The following FAM43A variants were observed in gnomAD, a reference collection of about 807,000 sequenced individuals.
FAM43A encodes protein FAM43A.
In FAM43A, 11 loss-of-function variants were observed where a neutral mutation model predicts 15.7. The observed-to-expected ratio is 0.70, with a 90% CI of 0.44 to 1.16. FAM43A has a LOEUF of 1.16. Ranked by LOEUF, FAM43A falls within the 50% of genes most tolerant of loss-of-function variation. The probability of loss-of-function intolerance (pLI) is 0.00; values close to 1 mark genes in which losing one functional copy is unlikely to be tolerated. For missense variants in FAM43A, 573 were observed against 620.0 expected (o/e 0.92, Z 0.80); for synonymous variants, 319 against 291.7 (o/e 1.09, Z -0.96).
Position 194,686,499 on chromosome 3 carries a change from T to G in FAM43A, c.-328T>G. 21 of 236,944 alleles carry G rather than the reference T, an allele frequency of 8.9e-5. No individual in the cohort carries two copies. The highest frequency in any genetic ancestry group is 1.4e-4 in the Non-Finnish European group (17 of 123,596). The allele number at this position is 236,944 out of a possible 1,614,324, so 14.7% of individuals were successfully genotyped here. A position where few individuals can be genotyped will look rare whatever the true frequency, so the allele number is the denominator to read the frequency against. On this transcript the variant is annotated 5_prime_UTR_variant, in exon 1 of 1. Transcript: ENST00000329759. ...CTACGCTCGTTCTTTCTCCCTTGCA[T>G]TTTGTTGCTTGCCTGAGACTCTTTG...
Position 194,687,847 on chromosome 3 carries a change from C to T in FAM43A, c.1021C>T (p.Leu341=). 2 of 1,454,094 alleles carry T rather than the reference C, an allele frequency of 1.4e-6. No individual in the cohort carries two copies. The highest frequency in any genetic ancestry group is 1.8e-6 in the Non-Finnish European group (2 of 1,101,710). The allele number at this position is 1,454,094 out of a possible 1,614,324, so 90.1% of individuals were successfully genotyped here. ...SLGPGAGPPP[L]LLGSASDMKA... is the part of the protein sequence containing the mutation. ...GGGCCCGGGGGCCGGGCCGCCGCCT[C>T]TGCTGCTGGGCAGCGCCTCCGACAT... The change falls in exon 1 of 1, where the codon CTG becomes TTG. Residue 341 remains leucine (L), a synonymous_variant. Transcript: ENST00000329759.
Position 194,688,506 on chromosome 3 carries a change from T to A in FAM43A, c.*408T>A. 1 of 179,614 alleles carries A rather than the reference T, an allele frequency of 5.6e-6. No homozygotes were observed. Among genetic ancestry groups the A allele is most frequent in the Non-Finnish European group, 1.3e-5 (1 of 78,292 alleles). 11.1% of individuals were successfully genotyped at this position (179,614 alleles called of 1,614,324 possible). A position where few individuals can be genotyped will look rare whatever the true frequency, so the allele number is the denominator to read the frequency against. ...TCCTCCCACCCCCTGGGAGCGGCCC[T>A]GCGCTGTCACTGACATCTCATTAAA... On this transcript the variant is annotated 3_prime_UTR_variant, in exon 1 of 1. Coordinates refer to ENST00000329759, the MANE Select transcript of FAM43A (RefSeq NM_153690.5).
rs1390526191 is a variant in FAM43A, at chr3:194,686,096, G to A, written c.-731G>A. Among the ~76,000 whole-genome samples, 1 of 152,226 alleles carries A rather than the reference G, an allele frequency of 6.6e-6. No homozygotes were observed. The highest frequency in any genetic ancestry group is 1.9e-4 in the East Asian group (1 of 5,194). On this transcript the variant is annotated 5_prime_UTR_variant, in exon 1 of 1. Transcript: ENST00000329759. Reference sequence around the variant, plus strand: ...GGCCAGGCCAGCCCGGACACTGAGCGGGCCGAGCGCGAGTCCCCGGCGTCC... The same window carrying A: ...GGCCAGGCCAGCCCGGACACTGAGCAGGCCGAGCGCGAGTCCCCGGCGTCC...
At position 194,688,017 on chromosome 3, in the gene FAM43A, C is replaced by T; in HGVS notation, c.1191C>T (p.Gly397=). The change falls in exon 1 of 1, where the codon GGC becomes GGT. Residue 397 remains glycine, a synonymous_variant. Transcript: ENST00000329759. ...GCGAGAGCTCCATCGAGGGCGGGGG[C>T]CCTGACGCCACCTCCGCCACCGCCG... ...TGSESSIEGG[G]PDATSATAGD... 7.0e-7 allele frequency: 1 copy of T among 1,425,280 alleles called. No homozygotes were observed. The highest frequency in any genetic ancestry group is 9.2e-7 in the Non-Finnish European group (1 of 1,090,800). 88.3% of individuals were successfully genotyped at this position (1,425,280 alleles called of 1,614,324 possible).
rs753788243 is a variant in FAM43A, at chr3:194,687,123, G to C, written c.297G>C (p.Lys99Asn). The C allele has an allele frequency of 6.2e-7, 1 of 1,613,348 alleles. No homozygotes were observed. Among genetic ancestry groups the C allele is most frequent in the Non-Finnish European group, 8.5e-7 (1 of 1,179,922 alleles). ...TDLAVGKIWSKSEAGRQGTKM... is the reference protein window; with the variant it reads ...TDLAVGKIWSNSEAGRQGTKM... ...TTGCTGTGGGCAAGATCTGGAGCAAGAGCGAGGCGGGCCGTCAGGGCACCA... is the reference window on the plus strand; with the variant it reads ...TTGCTGTGGGCAAGATCTGGAGCAACAGCGAGGCGGGCCGTCAGGGCACCA... Residue 99 changes from lysine (K) to asparagine (N), a missense_variant, in exon 1 of 1, where the codon AAG becomes AAC. Lys to Asn is a moderately conservative substitution (Grantham distance 94). Coordinates refer to ENST00000329759, the MANE Select transcript of FAM43A (RefSeq NM_153690.5).
Position 194,687,773 on chromosome 3 carries a change from C to T in FAM43A, c.947C>T (p.Thr316Ile). Residue 316 changes from threonine (T) to isoleucine (I), a missense_variant, in exon 1 of 1, where the codon ACT (threonine) becomes ATT (isoleucine). Transcript: ENST00000329759. ...MHFECGDLLD[T>I]LENGRGEALG... ...TTTGAGTGCGGGGACTTGTTGGATA[C>T]TCTGGAGAATGGCCGTGGGGAGGCG... 6.6e-7 allele frequency: 1 copy of T among 1,505,142 alleles called. No individual in the cohort carries two copies. The highest frequency in any genetic ancestry group is 8.9e-7 in the Non-Finnish European group (1 of 1,120,632). 93.2% of individuals were successfully genotyped at this position (1,505,142 alleles called of 1,614,324 possible).
rs898956488 is a variant in FAM43A, at chr3:194,685,983, A to C, written c.-844A>C. 6.6e-6 allele frequency among the ~76,000 whole-genome samples: 1 copy of C among 152,190 alleles called. No individual in the cohort carries two copies. The highest frequency in any genetic ancestry group is 1.5e-5 in the Non-Finnish European group (1 of 68,024). On this transcript the variant is annotated 5_prime_UTR_variant, in exon 1 of 1. Transcript: ENST00000329759. The stretch of plus-strand genomic sequence containing the variant: ...GTGGAGAGCCCGGGAGCGGAGCTGG[A>C]CACCGCCTCGGAGGGAAGAAATGAG...
chr3:194,686,888 C>T lies in FAM43A; in HGVS notation c.62C>T (p.Ser21Phe). Residue 21 changes from serine to phenylalanine, a missense_variant, in exon 1 of 1, where the codon TCC becomes TTC. Physicochemically the swap from Ser to Phe is radical, Grantham distance 155. Coordinates refer to ENST00000329759, the MANE Select transcript of FAM43A (RefSeq NM_153690.5). The stretch of plus-strand genomic sequence containing the variant: ...GCCGAGGCGCCGCCGCGGCAGGCGT[C>T]CAAGCCCAAGGGCTACGCTGTGAGC... ...LLAEAPPRQA[S>F]KPKGYAVSLH... is the part of the protein sequence containing the mutation. The T allele has an allele frequency of 6.2e-7, 1 of 1,604,810 alleles. No individual in the cohort carries two copies. The highest frequency in any genetic ancestry group is 8.5e-7 in the Non-Finnish European group (1 of 1,177,248).
At position 194,686,716 on chromosome 3, in the gene FAM43A, A is replaced by C; in HGVS notation, c.-111A>C. On this transcript the variant is annotated 5_prime_UTR_variant, in exon 1 of 1. Transcript: ENST00000329759. Reference sequence around the variant, plus strand: ...CCACAGGGCCGCTCCCAGTAGTTTTATTCTTCGATCTTGCCCGGGCCGAGC... The same window carrying C: ...CCACAGGGCCGCTCCCAGTAGTTTTCTTCTTCGATCTTGCCCGGGCCGAGC... 2.6e-6 allele frequency: 3 copies of C among 1,155,350 alleles called. No individual in the cohort carries two copies. Among genetic ancestry groups the C allele is most frequent in the Non-Finnish European group, 3.3e-6 (3 of 901,728 alleles). The allele number at this position is 1,155,350 out of a possible 1,614,324, so 71.6% of individuals were successfully genotyped here.
rs1297463953 is a variant in FAM43A, at chr3:194,687,785, G to A, written c.959G>A (p.Gly320Asp). The stretch of plus-strand genomic sequence containing the variant: ...GACTTGTTGGATACTCTGGAGAATG[G>A]CCGTGGGGAGGCGCTAGGAGGCGGC... ...CGDLLDTLEN[G>D]RGEALGGGGG... is the part of the protein sequence containing the mutation. The change falls in exon 1 of 1, where the codon GGC becomes GAC. Residue 320 changes from glycine (G) to aspartate (D), a missense_variant. Physicochemically the swap from Gly to Asp is moderately conservative, Grantham distance 94. Coordinates refer to ENST00000329759, the MANE Select transcript of FAM43A (RefSeq NM_153690.5). The A allele has an allele frequency of 6.8e-7, 1 of 1,475,898 alleles. No individual in the cohort carries two copies. The allele number at this position is 1,475,898 out of a possible 1,614,324, so 91.4% of individuals were successfully genotyped here.
rs1719434864 is a variant in FAM43A at position 194,687,060 on chromosome 3, C to T, written c.234C>T (p.Ala78=). ...PTYTVLYLGN[A]TTIQARGDGC... is the part of the protein sequence containing the mutation. ...ACACCGTGCTCTACCTGGGCAATGC[C>T]ACCACCATCCAGGCGCGCGGCGACG... is the stretch of plus-strand genomic sequence containing the variant. Residue 78 remains alanine, a synonymous_variant, in exon 1 of 1, where the codon GCC becomes GCT. Transcript: ENST00000329759. 6.2e-7 allele frequency: 1 copy of T among 1,613,526 alleles called. No individual in the cohort carries two copies. Among genetic ancestry groups the T allele is most frequent in the Non-Finnish European group, 8.5e-7 (1 of 1,179,748 alleles).
In FAM43A at chr3:194,688,012, G is replaced by A; in HGVS notation, c.1186G>A (p.Gly396Arg). ...GGGCAGCGAGAGCTCCATCGAGGGC[G>A]GGGGCCCTGACGCCACCTCCGCCAC... ...STGSESSIEG[G>R]GPDATSATAG... Residue 396 changes from glycine (G) to arginine (R), a missense_variant, in exon 1 of 1, where the codon GGG (glycine) becomes AGG (arginine). Transcript: ENST00000329759. 2.1e-6 allele frequency: 3 copies of A among 1,421,110 alleles called. No homozygotes were observed. Among genetic ancestry groups the A allele is most frequent in the African/African-American group, 1.5e-5 (1 of 66,940 alleles). The allele number at this position is 1,421,110 out of a possible 1,614,324, so 88.0% of individuals were successfully genotyped here.
At position 194,685,948 on chromosome 3, in the gene FAM43A, G is replaced by A. The variant is rs936714677; in HGVS notation, c.-879G>A. Among the ~76,000 whole-genome samples, 4 of 152,226 alleles carry A rather than the reference G, an allele frequency of 2.6e-5. No individual in the cohort carries two copies. The highest frequency in any genetic ancestry group is 4.4e-5 in the Non-Finnish European group (3 of 68,042). On this transcript the variant is annotated 5_prime_UTR_variant, in exon 1 of 1. Coordinates refer to ENST00000329759, the MANE Select transcript of FAM43A (RefSeq NM_153690.5). Reference sequence around the variant, plus strand: ...CGGAGAGGGCGCACTGCAAAGGCGGGCAGCAGACCGTGGAGAGCCCGGGAG... The same window carrying A: ...CGGAGAGGGCGCACTGCAAAGGCGGACAGCAGACCGTGGAGAGCCCGGGAG...
At position 194,688,174 on chromosome 3, in the gene FAM43A, C is replaced by A; in HGVS notation, c.*76C>A. On this transcript the variant is annotated 3_prime_UTR_variant, in exon 1 of 1. Coordinates refer to ENST00000329759, the MANE Select transcript of FAM43A (RefSeq NM_153690.5). ...CGACAACCTCCCTGTCCCTTGCCCGCCCCCAGGAAGGGGGAAATGGGGCAT... is the reference window on the plus strand; with the variant it reads ...CGACAACCTCCCTGTCCCTTGCCCGACCCCAGGAAGGGGGAAATGGGGCAT... The A allele has an allele frequency of 8.0e-7, 1 of 1,253,692 alleles. No individual in the cohort carries two copies. Among genetic ancestry groups the A allele is most frequent in the Non-Finnish European group, 1.0e-6 (1 of 988,736 alleles). The allele number at this position is 1,253,692 out of a possible 1,614,324, so 77.7% of individuals were successfully genotyped here.
In FAM43A at chr3:194,687,793, G is replaced by C. The variant is rs1021363704; in HGVS notation, c.967G>C (p.Glu323Gln). The change falls in exon 1 of 1, where the codon GAG (glutamate) becomes CAG (glutamine). Residue 323 changes from glutamate to glutamine, a missense_variant. Glu to Gln is a conservative substitution (Grantham distance 29, BLOSUM62 2). Coordinates refer to ENST00000329759, the MANE Select transcript of FAM43A (RefSeq NM_153690.5). Reference protein sequence around the residue: ...LLDTLENGRGEALGGGGGSLG... With the variant: ...LLDTLENGRGQALGGGGGSLG... Reference sequence around the variant, plus strand: ...GGATACTCTGGAGAATGGCCGTGGGGAGGCGCTAGGAGGCGGCGGGGGCTC... The same window carrying C: ...GGATACTCTGGAGAATGGCCGTGGGCAGGCGCTAGGAGGCGGCGGGGGCTC... The C allele has an allele frequency of 6.9e-7, 1 of 1,458,314 alleles. No individual in the cohort carries two copies. Among genetic ancestry groups the C allele is most frequent in the Non-Finnish European group, 9.1e-7 (1 of 1,101,864 alleles). The allele number at this position is 1,458,314 out of a possible 1,614,324, so 90.3% of individuals were successfully genotyped here.
rs746235969 is a variant in FAM43A, at chr3:194,688,005, C to T, written c.1179C>T (p.Ile393=). Residue 393 remains isoleucine, a synonymous_variant, in exon 1 of 1, where the codon ATC becomes ATT. Coordinates refer to ENST00000329759, the MANE Select transcript of FAM43A (RefSeq NM_153690.5). ...ACAGCACGGGCAGCGAGAGCTCCAT[C>T]GAGGGCGGGGGCCCTGACGCCACCT... ...SGDSTGSESS[I]EGGGPDATSA... is the part of the protein sequence containing the mutation. 2.4e-5 allele frequency: 34 copies of T among 1,421,892 alleles called. No individual in the cohort carries two copies. In the African/African-American group the frequency reaches 3.9e-4, roughly 16 times the overall value. 88.1% of individuals were successfully genotyped at this position (1,421,892 alleles called of 1,614,324 possible). A position where few individuals can be genotyped will look rare whatever the true frequency, so the allele number is the denominator to read the frequency against.
At position 194,686,875 on chromosome 3, in the gene FAM43A, C is replaced by G. The variant is rs1719429047; in HGVS notation, c.49C>G (p.Pro17Ala). 6.2e-7 allele frequency: 1 copy of G among 1,600,324 alleles called. No homozygotes were observed. The highest frequency in any genetic ancestry group is 1.1e-5 in the South Asian group (1 of 90,002). ...HKFELLAEAP[P>A]RQASKPKGYA... Reference sequence around the variant, plus strand: ...GTTCGAGCTGCTGGCCGAGGCGCCGCCGCGGCAGGCGTCCAAGCCCAAGGG... The same window carrying G: ...GTTCGAGCTGCTGGCCGAGGCGCCGGCGCGGCAGGCGTCCAAGCCCAAGGG... Residue 17 changes from proline (P) to alanine (A), a missense_variant, in exon 1 of 1, where the codon CCG becomes GCG. Pro to Ala is a conservative substitution (Grantham distance 27). Coordinates refer to ENST00000329759, the MANE Select transcript of FAM43A (RefSeq NM_153690.5).
rs1161183226 is a variant in FAM43A at position 194,687,623 on chromosome 3, T to C, written c.797T>C (p.Leu266Pro). ...DLLGEQLEQELQEEEEEEQPE... is the reference protein window; with the variant it reads ...DLLGEQLEQEPQEEEEEEQPE... ...CTCGGCGAACAGCTGGAGCAGGAGC[T>C]GCAGGAGGAAGAGGAAGAGGAGCAA... is the stretch of plus-strand genomic sequence containing the variant. The change falls in exon 1 of 1, where the codon CTG becomes CCG. Residue 266 changes from leucine (L) to proline (P), a missense_variant. Leu to Pro is a moderately conservative substitution (Grantham distance 98, BLOSUM62 -3). Coordinates refer to ENST00000329759, the MANE Select transcript of FAM43A (RefSeq NM_153690.5). 2 of 1,568,078 alleles carry C rather than the reference T, an allele frequency of 1.3e-6. No individual in the cohort carries two copies. The highest frequency in any genetic ancestry group is 3.8e-5 in the Admixed American group (2 of 53,190).
chr3:194,687,789 T>C lies in FAM43A; in HGVS notation c.963T>C (p.Arg321=). The C allele has an allele frequency of 1.4e-6, 2 of 1,472,280 alleles. No individual in the cohort carries two copies. Among genetic ancestry groups the C allele is most frequent in the Non-Finnish European group, 1.8e-6 (2 of 1,107,072 alleles). The allele number at this position is 1,472,280 out of a possible 1,614,324, so 91.2% of individuals were successfully genotyped here. Residue 321 remains arginine, a synonymous_variant, in exon 1 of 1, where the codon CGT becomes CGC. Coordinates refer to ENST00000329759, the MANE Select transcript of FAM43A (RefSeq NM_153690.5). ...TGTTGGATACTCTGGAGAATGGCCG[T>C]GGGGAGGCGCTAGGAGGCGGCGGGG... ...GDLLDTLENG[R]GEALGGGGGS... is the part of the protein sequence containing the mutation.
Sources: gnomAD v4.1 joint callset for allele counts (sites outside exome capture counted in the v4.1 genomes callset) on GRCh38, gnomAD v4.1.1 for gene constraint, MANE v1.5 for transcripts, NCBI Gene and HGNC (gene_info 2026-07-23, HGNC 2026-07-21) for gene names.